The following CDH13 variants were observed in gnomAD, a reference collection of about 807,000 sequenced individuals.
The protein encoded by CDH13 is cadherin 13.
In CDH13, 24 loss-of-function variants were observed where a neutral mutation model predicts 63.8. The observed-to-expected ratio is 0.38, with a 90% CI of 0.27 to 0.53. CDH13 has a LOEUF of 0.53. CDH13 is among the 20% of genes least tolerant of loss of function. CDH13 has a pLI of 0.85. For missense variants in CDH13, 1,049 were observed against 903.1 expected (o/e 1.16, Z -2.07); for synonymous variants, 503 against 355.3 (o/e 1.42, Z -4.67).
chr16:82,799,267 T>A (rs1233205801), intron 1 of CDH13, among the ~76,000 whole-genome samples: 1 of 152,212 alleles, frequency 6.6e-6, no homozygotes, highest in Non-Finnish European at 1.5e-5. Flanking sequence ...TGTACATAAT[T>A]CATGTGTCAA....
chr16:82,766,579 T>C (rs989680286), intron 1 of CDH13, among the ~76,000 whole-genome samples: 2 of 152,214 alleles, frequency 1.3e-5, no homozygotes, highest in African/African-American at 4.8e-5. Flanking sequence ...GAGGCTCTTG[T>C]GAGGACTAAA....
intron 6 of CDH13, among the ~76,000 whole-genome samples, chr16:83,448,864 G>A (rs780234772): frequency 6.6e-5 from 10 of 152,164 alleles, no homozygotes; most frequent in African/African-American, 1.2e-4. Flanking sequence ...TCTGAGCAAA[G>A]GTCACAGGAC....
chr16:83,705,055 G>A (rs1906806742), intron 10 of CDH13, among the ~76,000 whole-genome samples: 1 of 152,184 alleles, frequency 6.6e-6, no homozygotes, highest in East Asian at 1.9e-4. Context: ...CACTTCAAGT[G>A]CTATATCTTT....
chr16:83,730,606 A>G (rs1407125618), intron 10 of CDH13, among the ~76,000 whole-genome samples: 1 of 152,196 alleles, frequency 6.6e-6, no homozygotes, highest in Non-Finnish European at 1.5e-5. Flanking sequence ...AACTGGGTAC[A>G]AAGGATCACC....
At chr16:83,011,168 C>G (rs764471801) in intron 2 of CDH13, among the ~76,000 whole-genome samples, 6 of 152,086 alleles carry the variant, frequency 3.9e-5, no homozygotes, top group African/African-American at 7.2e-5. Flanking sequence ...GCTTCGAAGC[C>G]AAGCAGGTTG....
intron 1 of CDH13, among the ~76,000 whole-genome samples, chr16:82,643,130 G>T (rs1909624423): frequency 6.6e-6 from 1 of 152,212 alleles, no homozygotes; most frequent in African/African-American, 2.4e-5. Flanking sequence ...CTAGATAGTG[G>T]TGGTGATTAC....
chr16:83,748,123 G>C lies in CDH13; in HGVS notation c.1554G>C (p.Lys518Asn), dbSNP rs765667623. ...QHQTIRYSVY[K>N]DPAGWLNINP... ...TTTTTTTCAGGTATTCTGTTTACAA[G>C]GACCCAGCAGGTTGGCTGAATATTA... Residue 518 changes from lysine to asparagine, a missense_variant, in exon 11 of 14, where the codon AAG becomes AAC. Physicochemically the swap from Lys to Asn is moderately conservative, Grantham distance 94. Coordinates refer to ENST00000567109, the MANE Select transcript of CDH13 (RefSeq NM_001257.5). 6 of 1,613,882 alleles carry C rather than the reference G, an allele frequency of 3.7e-6. No individual in the cohort carries two copies. Among genetic ancestry groups the C allele is most frequent in the East Asian group, 4.5e-5 (2 of 44,864 alleles).
At chr16:83,278,984 C>A (rs1233896366) in intron 5 of CDH13, among the ~76,000 whole-genome samples, 1 of 152,144 alleles carries the variant, frequency 6.6e-6, no homozygotes, top group African/African-American at 2.4e-5. Flanking sequence ...CTGCCTTATA[C>A]TGTAGTAGTG....
chr16:83,524,766 A>T lies in CDH13; in HGVS notation c.960+38111A>T, dbSNP rs192277660. On this transcript the variant is annotated intron_variant, in intron 7 of 13. Transcript: ENST00000567109. ...CTCGCCCGGCCAAATTGCATGTCTT[A>T]ACACCCCCTCTTACTAGCTGAGAGG... 8.9e-4 allele frequency among the ~76,000 whole-genome samples: 135 copies of T among 152,156 alleles called. 1 individual carries two copies. The highest frequency in any genetic ancestry group is 2.9e-5 in the Non-Finnish European group (2 of 67,982).
At chr16:82,933,496 T>C (rs1199377977) in intron 2 of CDH13, among the ~76,000 whole-genome samples, 1 of 152,164 alleles carries the variant, frequency 6.6e-6, no homozygotes, top group East Asian at 1.9e-4. Flanking sequence ...AACCAGACCA[T>C]AGCATTCTGC....
intron 6 of CDH13, among the ~76,000 whole-genome samples, chr16:83,350,158 C>G (rs924594820): frequency 6.6e-6 from 1 of 152,168 alleles, no homozygotes; most frequent in Non-Finnish European, 1.5e-5. Context: ...CTCCAATATC[C>G]TGTCCTCTTG....
At chr16:83,032,462 C>T (rs1428319295) in intron 3 of CDH13, 5 of 502,556 alleles carry the variant, frequency 9.9e-6, no homozygotes, top group East Asian at 6.8e-5. Flanking sequence ...ATACTTCTGC[C>T]TTCAGGCGTG....
intron 5 of CDH13, among the ~76,000 whole-genome samples, chr16:83,292,937 C>G (rs1034434445): frequency 3.9e-5 from 6 of 152,108 alleles, no homozygotes; most frequent in African/African-American, 7.2e-5. Context: ...GTAATTATAT[C>G]AAATACTCGA....
At chr16:83,172,202 G>C (rs1384500568) in intron 4 of CDH13, among the ~76,000 whole-genome samples, 1 of 152,068 alleles carries the variant, frequency 6.6e-6, no homozygotes, top group Non-Finnish European at 1.5e-5. Context: ...TGAAAATAAA[G>C]GCAGATGGCC....
intron 6 of CDH13, among the ~76,000 whole-genome samples, chr16:83,356,302 T>C (rs1430235988): frequency 1.3e-5 from 2 of 150,470 alleles, no homozygotes; most frequent in African/African-American, 4.9e-5. Flanking sequence ...CCAACCTTCC[T>C]TAGTCATTTT....
At chr16:82,665,688 A>C (rs1356278205) in intron 1 of CDH13, among the ~76,000 whole-genome samples, 3 of 151,544 alleles carry the variant, frequency 2.0e-5, no homozygotes, top group African/African-American at 7.3e-5. Context: ...CTCTGCTTGG[A>C]CTCTGCCCAA....
intron 3 of CDH13, among the ~76,000 whole-genome samples, chr16:83,087,439 G>A (rs1020634561): frequency 1.3e-5 from 2 of 152,060 alleles, no homozygotes; most frequent in African/African-American, 4.8e-5. Context: ...AGAGGCCGAG[G>A]CGGGCAGATC....
intron 8 of CDH13, among the ~76,000 whole-genome samples, chr16:83,644,685 G>C (rs1473662825): frequency 6.6e-6 from 1 of 152,282 alleles, no homozygotes; most frequent in Admixed American, 6.5e-5. Context: ...GTCCAGAAAC[G>C]CATCTGGTAC....
intron 7 of CDH13, among the ~76,000 whole-genome samples, chr16:83,550,519 A>G (rs940799465): frequency 2.0e-5 from 3 of 152,250 alleles, no homozygotes; most frequent in African/African-American, 7.2e-5. Context: ...AGTTAATCCG[A>G]TGGCAAATTC....
Sources: allele counts gnomAD v4.1 joint callset (sites outside exome capture counted in the v4.1 genomes callset), GRCh38; gene constraint gnomAD v4.1.1; transcripts MANE v1.5; gene names NCBI Gene and HGNC (gene_info 2026-07-23, HGNC 2026-07-21).